UBN1: variants seen among roughly 807,000 people sequenced by gnomAD.
UBN1 encodes ubinuclein-1.
Under a neutral mutation model 108.5 loss-of-function variants are expected in UBN1, and 17 were observed. The observed-to-expected ratio is 0.16, with a 90% CI of 0.11 to 0.24. The LOEUF (loss-of-function observed/expected upper bound fraction) is 0.24. Among genes scored for constraint, UBN1 ranks in the 10% least tolerant of loss-of-function variants. UBN1 has a pLI of 1.00. For missense variants in UBN1, 1,595 were observed against 1,394.4 expected (o/e 1.14, Z -2.29); for synonymous variants, 726 against 564.2 (o/e 1.29, Z -4.07).
intron 7 of UBN1, among the ~76,000 whole-genome samples, chr16:4,863,779 A>G (rs963245476): frequency 6.6e-6 from 1 of 152,168 alleles, no homozygotes; most frequent in African/African-American, 2.4e-5. Context: ...GGCTGCATTC[A>G]GCTGGCAAGT....
At chr16:4,851,534 G>A (rs191770452) in intron 1 of UBN1, among the ~76,000 whole-genome samples, 56 of 152,158 alleles carry the variant, frequency 3.7e-4, no homozygotes, top group African/African-American at 1.3e-3. Context: ...AATGGGAGGA[G>A]TCTCAAAGGA....
chr16:4,871,819 C>G (rs540802087), intron 12 of UBN1, among the ~76,000 whole-genome samples: 1 of 152,218 alleles, frequency 6.6e-6, no homozygotes, highest in African/African-American at 2.4e-5. Flanking sequence ...ATCTCCTGAC[C>G]TTGTGATCTG....
intron 1 of UBN1, 58 bp from the exon 2 acceptor site, chr16:4,852,821 G>A (rs753383474): frequency 8.2e-5 from 115 of 1,407,398 alleles, no homozygotes; most frequent in Non-Finnish European, 1.1e-4. Flanking sequence ...CTTTAATTAG[G>A]CAGGTAAACT....
chr16:4,869,931 T>G (rs1231630137), intron 8 of UBN1, among the ~76,000 whole-genome samples: 1 of 152,184 alleles, frequency 6.6e-6, no homozygotes, highest in African/African-American at 2.4e-5. Context: ...CTCTATGAAA[T>G]TTAGTGCTTC....
At chr16:4,878,184 T>C (rs2087970904) in intron 17 of UBN1, among the ~76,000 whole-genome samples, 2 of 152,192 alleles carry the variant, frequency 1.3e-5, no homozygotes, top group South Asian at 4.1e-4. Context: ...TGAGTGCGTC[T>C]GCCTCACCCT....
chr16:4,849,887 A>G (rs1027182769), intron 1 of UBN1, among the ~76,000 whole-genome samples: 6 of 139,820 alleles, frequency 4.3e-5, no homozygotes, highest in Non-Finnish European at 9.0e-5. Context: ...TTGAGGCTGC[A>G]GTGAGCTCTC....
Position 4,874,787 on chromosome 16 carries a change from C to T in UBN1, c.2377C>T (p.Pro793Ser), listed in dbSNP as rs1567953529. The change falls in exon 15 of 18, where the codon CCC becomes TCC. Residue 793 changes from proline to serine, a missense_variant. By Grantham distance (74) the Pro-to-Ser change is moderately conservative. Transcript: ENST00000262376. ...CAGCTTGCCACGGACGTCTCACGGG[C>T]CCCAAGTGGCAGTTCCTGTGCCTGG... ...HHSLPRTSHG[P>S]QVAVPVPGPQ... The T allele has an allele frequency of 6.2e-7, 1 of 1,613,962 alleles. No homozygotes were observed. Among genetic ancestry groups the T allele is most frequent in the African/African-American group, 1.3e-5 (1 of 74,936 alleles).
intron 14 of UBN1, among the ~76,000 whole-genome samples, chr16:4,873,434 C>T (rs1216506074): frequency 6.6e-6 from 1 of 152,126 alleles, no homozygotes; most frequent in African/African-American, 2.4e-5. Flanking sequence ...GGAGCCACAG[C>T]AGAAAGAAAA....
chr16:4,849,949 C>CA lies in UBN1; in HGVS notation c.-40+1756dup, dbSNP rs751842571. ...CAACAGGAGTGAGGCAACTGTCTCACAAAAAAAAAAAAAAAAACCACAAAA... is the reference window on the plus strand; with the variant it reads ...CAACAGGAGTGAGGCAACTGTCTCACAAAAAAAAAAAAAAAAAACCACAAAA... On this transcript the variant is annotated intron_variant, in intron 1 of 17. Transcript: ENST00000262376. 2.4e-3 allele frequency among the ~76,000 whole-genome samples: 171 copies of CA among 72,136 alleles called. 2 individuals carry two copies. Among genetic ancestry groups the CA allele is most frequent in the South Asian group, 0.022 (38 of 1,704 alleles). 47.3% of individuals were successfully genotyped at this position (72,136 alleles called of 152,430 possible).
intron 13 of UBN1, 28 bp downstream of exon 13, chr16:4,872,962 G>C: frequency 6.2e-7 from 1 of 1,614,160 alleles, no homozygotes; most frequent in African/African-American, 1.3e-5. Flanking sequence ...TTCACATCTC[G>C]GGACAAGTGT....
Position 4,877,302 on chromosome 16 carries a change from G to T in UBN1, c.3266-83G>T. On this transcript the variant is annotated intron_variant, in intron 16 of 17. Coordinates refer to ENST00000262376, the MANE Select transcript of UBN1 (RefSeq NM_001079514.3). This position sits in a 1 kb window ranked among gnomAD's most constrained non-coding sequence, Gnocchi z 4.3. ...AGACTGGCCTGGCAGGTTATCGGGG[G>T]CTTTTGGCTGCTGGAGCTGCTTTCC... 2 of 1,545,542 alleles carry T rather than the reference G, an allele frequency of 1.3e-6. No individual in the cohort carries two copies.
intron 7 of UBN1, among the ~76,000 whole-genome samples, chr16:4,862,545 T>A (rs1000040940): frequency 9.2e-5 from 14 of 152,374 alleles, no homozygotes; most frequent in African/African-American, 3.4e-4. Flanking sequence ...CAAACATTAC[T>A]CCTTGTTCTT....
intron 7 of UBN1, among the ~76,000 whole-genome samples, chr16:4,867,201 A>C (rs1381465971): frequency 6.6e-6 from 1 of 152,214 alleles, no homozygotes. Flanking sequence ...TGCAATTATT[A>C]GAAGTGGGGA....
At position 4,870,653 on chromosome 16, in the gene UBN1, T is replaced by G. The variant is rs1207007202; in HGVS notation, c.1430+19T>G. On this transcript the variant is annotated intron_variant, in intron 10 of 17. Transcript: ENST00000262376. ...TTGCCAAGTAAGTTTGTCCTGGCGC[T>G]TGCAGGTGCAACCCTCCCGTCTTGC... 1 of 1,613,256 alleles carries G rather than the reference T, an allele frequency of 6.2e-7. No individual in the cohort carries two copies. Among genetic ancestry groups the G allele is most frequent in the African/African-American group, 1.3e-5 (1 of 74,742 alleles).
chr16:4,869,715 G>T (rs947933176), intron 8 of UBN1, among the ~76,000 whole-genome samples: 2 of 152,288 alleles, frequency 1.3e-5, no homozygotes, highest in Non-Finnish European at 1.5e-5. Context: ...CTGCTTGAGC[G>T]TGCCAAATGT....
intron 2 of UBN1, among the ~76,000 whole-genome samples, chr16:4,857,758 A>G (rs1240381795): frequency 2.0e-5 from 3 of 152,156 alleles, no homozygotes; most frequent in African/African-American, 7.2e-5. Flanking sequence ...GCAGCCCCTC[A>G]TGCTGTGGTG....
At chr16:4,866,700 A>T (rs1398200219) in intron 7 of UBN1, among the ~76,000 whole-genome samples, 1 of 152,104 alleles carries the variant, frequency 6.6e-6, no homozygotes. Flanking sequence ...TTTAGTAGAG[A>T]CAGGGTCTCA....
chr16:4,855,047 T>C (rs1596476887), intron 2 of UBN1, among the ~76,000 whole-genome samples: 1 of 152,254 alleles, frequency 6.6e-6, no homozygotes, highest in South Asian at 2.1e-4. Context: ...TAAGCACCTG[T>C]GTCTGCCTTT....
chr16:4,875,581 C>CGG, intron 15 of UBN1, 147 bp downstream of exon 15: 2 of 1,221,752 alleles, frequency 1.6e-6, no homozygotes, highest in Non-Finnish European at 2.3e-6. Context: ...GGAGACTGGG[C>CGG]TCCCTGTTCT....
Sources: gnomAD v4.1 joint callset for allele counts (sites outside exome capture counted in the v4.1 genomes callset) on GRCh38, gnomAD v4.1.1 for gene constraint, Gnocchi (gnomAD v3.1) non-coding constraint, MANE v1.5 for transcripts, NCBI Gene and HGNC (gene_info 2026-07-23, HGNC 2026-07-21) for gene names.